The following TMEM163 variants were observed in gnomAD, a reference collection of about 807,000 sequenced individuals.
The protein encoded by TMEM163 is transmembrane protein 163.
A neutral mutation model predicts 29.3 loss-of-function variants in TMEM163; 17 were observed. The ratio of observed to expected loss-of-function variants is 0.58; its 90% CI spans 0.40 to 0.87. The LOEUF (loss-of-function observed/expected upper bound fraction) is 0.87, where lower values mean the gene tolerates loss of function less well. TMEM163 is among the 40% of genes least tolerant of loss of function. The pLI is 0.00. For synonymous variants in TMEM163, 157 were observed against 160.6 expected, an observed-to-expected ratio of 0.98 and a Z score of 0.17; for missense variants, 303 against 381.5, an observed-to-expected ratio of 0.79 and a Z score of 1.71.
intron 2 of TMEM163, among the ~76,000 whole-genome samples, chr2:134,668,995 G>T (rs760208643): frequency 6.6e-6 from 1 of 151,930 alleles, no homozygotes; most frequent in Admixed American, 6.6e-5. Flanking sequence ...AGAGACCACC[G>T]CCAAGGAGTG....
At chr2:134,650,863 G>T (rs1383399023) in intron 2 of TMEM163, among the ~76,000 whole-genome samples, 1 of 135,256 alleles carries the variant, frequency 7.4e-6, no homozygotes, top group Non-Finnish European at 1.5e-5. Context: ...TCCCTACAAA[G>T]GACACGAACT....
At chr2:134,515,921 T>C (rs111664163) in intron 4 of TMEM163, among the ~76,000 whole-genome samples, 6 of 152,164 alleles carry the variant, frequency 3.9e-5, no homozygotes, top group South Asian at 2.1e-4. Context: ...TGACCTGTAT[T>C]TGCATCTTCA....
chr2:134,483,398 G>A (rs1282972927), intron 5 of TMEM163, among the ~76,000 whole-genome samples: 1 of 152,130 alleles, frequency 6.6e-6, no homozygotes, highest in Non-Finnish European at 1.5e-5. Context: ...AATGACAGAA[G>A]TAGGACCTCT....
At chr2:134,686,798 A>G (rs1341479323) in intron 2 of TMEM163, among the ~76,000 whole-genome samples, 1 of 152,226 alleles carries the variant, frequency 6.6e-6, no homozygotes, top group Non-Finnish European at 1.5e-5. Context: ...GGCAGAAGAC[A>G]TGAGATTTTT....
chr2:134,592,747 C>T (rs2104803252), intron 2 of TMEM163, among the ~76,000 whole-genome samples: 1 of 151,806 alleles, frequency 6.6e-6, no homozygotes, highest in Non-Finnish European at 1.5e-5. Flanking sequence ...AACTATCTCT[C>T]CCTGTATGCA....
intron 2 of TMEM163, among the ~76,000 whole-genome samples, chr2:134,669,627 C>T (rs762926991): frequency 6.6e-6 from 1 of 152,222 alleles, no homozygotes; most frequent in Non-Finnish European, 1.5e-5. Context: ...GGTCTGGTTT[C>T]CCTTCCCTTG....
rs1350296204 is a variant in TMEM163 at position 134,651,843 on chromosome 2, T to C, written c.322+61357A>G. Among the ~76,000 whole-genome samples, 8 of 123,530 alleles carry C rather than the reference T, an allele frequency of 6.5e-5. 1 individual carries two copies. The South Asian group carries it at 1.8e-3, about 28-fold the overall frequency. The allele number at this position is 123,530 out of a possible 152,430, so 81.0% of individuals were successfully genotyped here. On this transcript the variant is annotated intron_variant, in intron 2 of 7. Coordinates refer to ENST00000281924, the MANE Select transcript of TMEM163 (RefSeq NM_030923.5). ...TTGTTTTCCTCAGGTTTGTCAAAGA[T>C]CAGATAGTTGTAGATATGCGGCATT...
At chr2:134,525,801 G>A (rs548433395) in intron 4 of TMEM163, among the ~76,000 whole-genome samples, 19 of 152,206 alleles carry the variant, frequency 1.2e-4, no homozygotes, top group Non-Finnish European at 2.6e-4. Flanking sequence ...AGCTGGACCT[G>A]AGGGCATCTC....
intron 2 of TMEM163, among the ~76,000 whole-genome samples, chr2:134,596,664 C>T (rs1682091085): frequency 6.6e-6 from 1 of 152,102 alleles, no homozygotes; most frequent in South Asian, 2.1e-4. Context: ...TCATTGGTAG[C>T]TTGATGGGGA....
chr2:134,668,340 G>A (rs950201187), intron 2 of TMEM163, among the ~76,000 whole-genome samples: 3 of 152,114 alleles, frequency 2.0e-5, no homozygotes, highest in African/African-American at 4.8e-5. Flanking sequence ...GGGGCTGGAA[G>A]GGGAAGGACG....
At chr2:134,517,207 T>G (rs1450854668) in intron 4 of TMEM163, among the ~76,000 whole-genome samples, 1 of 152,156 alleles carries the variant, frequency 6.6e-6, no homozygotes, top group African/African-American at 2.4e-5. Flanking sequence ...TGGACATGAA[T>G]TCCCTGAGGC....
At chr2:134,493,504 G>A (rs1300293366) in intron 5 of TMEM163, among the ~76,000 whole-genome samples, 1 of 150,188 alleles carries the variant, frequency 6.7e-6, no homozygotes. Flanking sequence ...CTCCCAAGTA[G>A]CTGAGATTAC....
chr2:134,552,404 A>G (rs1431070949), intron 2 of TMEM163, among the ~76,000 whole-genome samples: 1 of 152,192 alleles, frequency 6.6e-6, no homozygotes, highest in Non-Finnish European at 1.5e-5. Flanking sequence ...ACTGGGAACT[A>G]TATCAAACTT....
intron 2 of TMEM163, among the ~76,000 whole-genome samples, chr2:134,563,861 C>A (rs1269850778): frequency 6.6e-6 from 1 of 152,166 alleles, no homozygotes; most frequent in Non-Finnish European, 1.5e-5. Context: ...TCGAGACCAA[C>A]CTGACAACAT....
At position 134,458,052 on chromosome 2, in the gene TMEM163, G is replaced by T; in HGVS notation, c.789C>A (p.Thr263=). 6.2e-7 allele frequency: 1 copy of T among 1,614,174 alleles called. No individual in the cohort carries two copies. Among genetic ancestry groups the T allele is most frequent in the Non-Finnish European group, 8.5e-7 (1 of 1,180,030 alleles). The stretch of plus-strand genomic sequence containing the variant: ...CCTACTTGACCCCATAGGCAAATAT[G>T]GTGAGGCCGATCAGAACGCCTATGC... ...DGSIGVLIGL[T]IFAYGVKLLI... Residue 263 remains threonine, a synonymous_variant, in exon 7 of 8, where the codon ACC becomes ACA. Transcript: ENST00000281924.
intron 4 of TMEM163, among the ~76,000 whole-genome samples, chr2:134,549,122 A>ATAC (rs1680852819): frequency 6.6e-6 from 1 of 151,984 alleles, no homozygotes; most frequent in African/African-American, 2.4e-5. Context: ...AAAAAAACTA[A>ATAC]TGCCCATTAA....
Position 134,625,308 on chromosome 2 carries a change from A to C in TMEM163, c.323-73217T>G, listed in dbSNP as rs139509588. ...CTGCTCTGTTCTAAGAAGTCAATAC[A>C]CATGGATTGCCAAAGTAAACTAAAC... On this transcript the variant is annotated intron_variant, in intron 2 of 7. Coordinates refer to ENST00000281924, the MANE Select transcript of TMEM163 (RefSeq NM_030923.5). 2.8e-3 allele frequency among the ~76,000 whole-genome samples: 430 copies of C among 152,386 alleles called. 4 individuals are homozygous for C. The highest frequency in any genetic ancestry group is 9.5e-3 in the African/African-American group (395 of 41,596).
At chr2:134,528,926 A>T (rs889173937) in intron 4 of TMEM163, among the ~76,000 whole-genome samples, 3 of 152,258 alleles carry the variant, frequency 2.0e-5, no homozygotes, top group African/African-American at 7.2e-5. Context: ...ATTGACACTT[A>T]AAAGGAAGTA....
intron 2 of TMEM163, among the ~76,000 whole-genome samples, chr2:134,641,785 G>A (rs928636211): frequency 3.5e-4 from 53 of 152,048 alleles, no homozygotes; most frequent in Middle Eastern, 3.4e-3. Context: ...AAAAAACAGA[G>A]GCTATAAGGA....
Sources: gnomAD v4.1 joint callset for allele counts (sites outside exome capture counted in the v4.1 genomes callset) on GRCh38, gnomAD v4.1.1 for gene constraint, MANE v1.5 for transcripts, NCBI Gene and HGNC (gene_info 2026-07-23, HGNC 2026-07-21) for gene names.